The following IFT43 variants were observed in gnomAD, a reference collection of about 807,000 sequenced individuals.
IFT43 encodes intraflagellar transport 43.
IFT43 carries 33 observed loss-of-function variants against 32.3 expected under a neutral mutation model. The ratio of observed to expected loss-of-function variants is 1.02; its 90% CI spans 0.77 to 1.37. The LOEUF (loss-of-function observed/expected upper bound fraction) is 1.37. Ranked by LOEUF, IFT43 falls within the 40% of genes most tolerant of loss-of-function variation. The pLI is 0.00. For synonymous variants in IFT43, 93 were observed against 98.2 expected (o/e 0.95, Z 0.31); for missense variants, 274 against 265.9 (o/e 1.03, Z -0.21).
intron 3 of IFT43, among the ~76,000 whole-genome samples, chr14:76,044,531 G>T (rs1351994705): frequency 1.3e-5 from 2 of 151,978 alleles, no homozygotes; most frequent in African/African-American, 4.8e-5. Flanking sequence ...GCATCATTAT[G>T]TATGCACAAT....
At chr14:76,050,436 A>G (rs1307704501) in intron 3 of IFT43, among the ~76,000 whole-genome samples, 3 of 151,502 alleles carry the variant, frequency 2.0e-5, no homozygotes, top group African/African-American at 7.3e-5. Flanking sequence ...GAGTGTTTGG[A>G]TGTGGTGGGA....
At chr14:75,998,488 T>G (rs8011635) in intron 2 of IFT43, among the ~76,000 whole-genome samples, 1 of 151,972 alleles carries the variant, frequency 6.6e-6, no homozygotes, top group Non-Finnish European at 1.5e-5. Context: ...GAGGACCACT[T>G]GTGTTTAGGA....
intron 2 of IFT43, among the ~76,000 whole-genome samples, chr14:76,016,237 G>T (rs536369590): frequency 2.0e-5 from 3 of 152,064 alleles, no homozygotes; most frequent in South Asian, 2.1e-4. Context: ...TTTGTATATG[G>T]TGAGAGATGG....
At chr14:76,040,913 G>T (rs1378801448) in intron 3 of IFT43, among the ~76,000 whole-genome samples, 1 of 152,212 alleles carries the variant, frequency 6.6e-6, no homozygotes, top group Non-Finnish European at 1.5e-5. Flanking sequence ...CCAGGGAAAG[G>T]ACAGCTGAGA....
chr14:76,029,783 T>C (rs181768357), intron 3 of IFT43, among the ~76,000 whole-genome samples: 16 of 152,204 alleles, frequency 1.1e-4, no homozygotes, highest in East Asian at 7.7e-4. Flanking sequence ...GGTATGCTGT[T>C]CTAGTTCTAG....
chr14:76,076,611 G>A (rs1371026974), intron 5 of IFT43: 2 of 1,614,102 alleles, frequency 1.2e-6, no homozygotes, highest in Admixed American at 1.7e-5. Context: ...ACCCAAACAG[G>A]CAAACAACAG....
At chr14:76,038,970 T>C (rs10135888) in intron 3 of IFT43, among the ~76,000 whole-genome samples, 127,549 of 151,956 alleles carry the variant, frequency 0.84, 53,658 homozygotes, top group Non-Finnish European at 0.87. Flanking sequence ...CTTTCCTACT[T>C]AGCCCCTGAA....
intron 2 of IFT43, 103 bp downstream of exon 2, chr14:75,989,080 C>T: frequency 7.4e-7 from 1 of 1,357,974 alleles, no homozygotes; most frequent in East Asian, 2.5e-5. Flanking sequence ...TCTTGAATGC[C>T]AACCCTTTCT....
chr14:75,987,686 G>A (rs1455558656), intron 1 of IFT43, among the ~76,000 whole-genome samples: 1 of 152,156 alleles, frequency 6.6e-6, no homozygotes, highest in African/African-American at 2.4e-5. Flanking sequence ...GTAAGCAAAA[G>A]TATAAATATT....
At chr14:76,036,327 C>T (rs1482161471) in intron 3 of IFT43, among the ~76,000 whole-genome samples, 1 of 150,802 alleles carries the variant, frequency 6.6e-6, no homozygotes, top group Non-Finnish European at 1.5e-5. Context: ...TTCCTTCCTT[C>T]CTTCCTTCTT....
intron 3 of IFT43, among the ~76,000 whole-genome samples, chr14:76,042,633 G>C (rs890527726): frequency 5.3e-5 from 8 of 152,230 alleles, no homozygotes; most frequent in African/African-American, 1.9e-4. Flanking sequence ...TGTGCTTAGG[G>C]GTACTGGCCA....
intron 6 of IFT43, 87 bp from the exon 7 acceptor site, chr14:76,082,530 T>C (rs1247514355): frequency 1.3e-5 from 19 of 1,499,014 alleles, no homozygotes; most frequent in Middle Eastern, 1.7e-4. Context: ...CCCTGCTGTA[T>C]ACAAGGTTCT....
At chr14:76,048,155 G>A (rs982336500) in intron 3 of IFT43, among the ~76,000 whole-genome samples, 2 of 152,168 alleles carry the variant, frequency 1.3e-5, no homozygotes, top group Admixed American at 1.3e-4. Context: ...AGCGCTGCAC[G>A]CATTTATCTC....
At chr14:76,002,955 C>T (rs1314238828) in intron 2 of IFT43, among the ~76,000 whole-genome samples, 1 of 152,206 alleles carries the variant, frequency 6.6e-6, no homozygotes, top group African/African-American at 2.4e-5. Flanking sequence ...ATCTAATCTG[C>T]TTAGAAACCG....
intron 3 of IFT43, among the ~76,000 whole-genome samples, chr14:76,043,562 A>G (rs2036748004): frequency 6.6e-6 from 1 of 151,504 alleles, no homozygotes; most frequent in Non-Finnish European, 1.5e-5. Context: ...TGCCTCCCGC[A>G]CTTCTGAATG....
chr14:76,076,698 T>A (rs1158082098), intron 5 of IFT43: 2 of 1,614,002 alleles, frequency 1.2e-6, no homozygotes, highest in African/African-American at 2.7e-5. Flanking sequence ...GCAGGTAGGC[T>A]TTTGACTGTC....
At chr14:75,986,035 T>G in intron 1 of IFT43, 195 bp downstream of exon 1, 1 of 1,523,584 alleles carries the variant, frequency 6.6e-7, no homozygotes, top group Non-Finnish European at 8.8e-7. Context: ...TGGGGTTTGC[T>G]TTCTTTAAAA....
chr14:76,060,830 CTT>C (rs1212413206), intron 5 of IFT43, among the ~76,000 whole-genome samples: 1,271 of 27,732 alleles, frequency 0.046, 22 homozygotes, highest in African/African-American at 0.094. Context: ...CCCTCCCTTT[CTT>C]CCTTCCTTCC....
intron 5 of IFT43, among the ~76,000 whole-genome samples, chr14:76,075,581 C>G (rs1210156667): frequency 1.3e-5 from 2 of 152,244 alleles, no homozygotes; most frequent in African/African-American, 4.8e-5. Context: ...CGTTTGATGT[C>G]TCTCTGACAA....
Sources: allele counts gnomAD v4.1 joint callset (sites outside exome capture counted in the v4.1 genomes callset), GRCh38; gene constraint gnomAD v4.1.1; transcripts MANE v1.5; gene names NCBI Gene and HGNC (gene_info 2026-07-23, HGNC 2026-07-21).